Variants in PFKFB1 observed in about 807,000 individuals in gnomAD.
PFKFB1 encodes 6-phosphofructo-2-kinase/fructose-2,6-biphosphatase 1, also known as 6-phosphofructo-2-kinase/fructose-2,6-bisphosphatase 1.
In PFKFB1, 34 loss-of-function variants were observed where a neutral mutation model predicts 46.4. That is an observed-to-expected ratio of 0.73 (90% CI 0.56 to 0.98). The LOEUF (loss-of-function observed/expected upper bound fraction) is 0.98. Among genes scored for constraint, PFKFB1 ranks in the 50% least tolerant of loss-of-function variants. PFKFB1 has a pLI of 0.00. For missense variants in PFKFB1, 393 were observed against 376.3 expected, an observed-to-expected ratio of 1.04 and a Z score of -0.37; for synonymous variants, 119 against 133.8, an observed-to-expected ratio of 0.89 and a Z score of 0.76.
intron 1 of PFKFB1, among the ~76,000 whole-genome samples, chrX:54,972,635 T>G (rs1418636329): frequency 8.9e-6 from 1 of 111,893 alleles, no homozygotes; most frequent in African/African-American, 3.3e-5. Flanking sequence ...TATGCTGGAT[T>G]ACATTTATTG....
intron 10 of PFKFB1, among the ~76,000 whole-genome samples, chrX:54,938,792 A>G (rs1221985807): frequency 5.4e-5 from 6 of 111,408 alleles, no homozygotes; most frequent in Non-Finnish European, 1.1e-4. Context: ...AATAATAATG[A>G]GAGACTTTAA....
At chrX:54,995,080 A>G (rs1294812848), upstream of PFKFB1, among the ~76,000 whole-genome samples, 1 of 111,794 alleles carries the variant, frequency 8.9e-6, no homozygotes, top group East Asian at 2.8e-4. Flanking sequence ...ACAAGTCCAT[A>G]GGCCAGAGTC....
At chrX:54,937,125 T>C in intron 11 of PFKFB1, among the ~76,000 whole-genome samples, 1 of 111,362 alleles carries the variant, frequency 9.0e-6, no homozygotes. Context: ...CTTGGGGAAA[T>C]TACCCCTATA....
intron 12 of PFKFB1, 103 bp downstream of exon 12, chrX:54,934,844 C>A: frequency 1.6e-6 from 1 of 612,452 alleles, no homozygotes. Context: ...AGGACACCCA[C>A]CCAGGAAACC....
At chrX:54,935,092 C>T in intron 11 of PFKFB1, 83 bp from the exon 12 acceptor site, 1 of 719,350 alleles carries the variant, frequency 1.4e-6, no homozygotes. Flanking sequence ...TTGCTGGATG[C>T]TCCCCATTCC....
At chrX:54,990,523 G>A (rs994930205) in intron 1 of PFKFB1, among the ~76,000 whole-genome samples, 14 of 111,479 alleles carry the variant, frequency 1.3e-4, no homozygotes, top group African/African-American at 4.2e-4. Flanking sequence ...AATGTTAAAG[G>A]AGACACCAGG....
chrX:54,972,238 G>A (rs2146658114), intron 1 of PFKFB1, among the ~76,000 whole-genome samples: 1 of 110,921 alleles, frequency 9.0e-6, no homozygotes, highest in South Asian at 3.9e-4. Context: ...GAGATTTTGG[G>A]ATGAGACAAT....
intron 1 of PFKFB1, 93 bp downstream of exon 1, chrX:54,993,818 A>G: frequency 9.1e-6 from 10 of 1,094,126 alleles, no homozygotes; most frequent in Non-Finnish European, 1.1e-5. Flanking sequence ...AGGTTGAGGT[A>G]GGAGTGGATG....
intron 9 of PFKFB1, among the ~76,000 whole-genome samples, chrX:54,946,588 A>G (rs1249368017): frequency 9.0e-6 from 1 of 111,689 alleles, no homozygotes; most frequent in Admixed American, 9.5e-5. Context: ...AAACTTCTCC[A>G]ACCCACACTG....
At chrX:54,971,506 A>T (rs1411943784) in intron 1 of PFKFB1, among the ~76,000 whole-genome samples, 1 of 111,619 alleles carries the variant, frequency 9.0e-6, no homozygotes, top group Non-Finnish European at 1.9e-5. Flanking sequence ...TCTTGAATTA[A>T]TTTTTGTATA....
In PFKFB1 at chrX:54,960,845, A is replaced by G. The variant is rs773547844; in HGVS notation, c.296T>C (p.Met99Thr). 1.7e-6 allele frequency: 2 copies of G among 1,185,993 alleles called. No individual in the cohort carries two copies. The highest frequency in any genetic ancestry group is 2.2e-5 in the Admixed American group (1 of 45,494). The change falls in exon 3 of 14, where the codon ATG becomes ACG. Residue 99 changes from methionine (M) to threonine (T), a missense_variant. Coordinates refer to ENST00000375006, the MANE Select transcript of PFKFB1 (RefSeq NM_002625.4). ...KNYEFFLPDN[M>T]EALQIRKQCA... ...TTACTTCCTGATTTGCAGGGCTTCC[A>G]TGTTGTCTGGAAGAAAGAATTCATA...
chrX:54,941,619 G>A (rs916985582), intron 10 of PFKFB1, among the ~76,000 whole-genome samples: 3 of 112,396 alleles, frequency 2.7e-5, no homozygotes, highest in African/African-American at 9.7e-5. Flanking sequence ...AGACATCTAT[G>A]CAGCCAAAAG....
intron 6 of PFKFB1, among the ~76,000 whole-genome samples, chrX:54,957,100 A>C (rs899392975): frequency 4.5e-5 from 5 of 111,438 alleles, no homozygotes; most frequent in Non-Finnish European, 9.4e-5. Context: ...TTGGGCCCCA[A>C]ATTATTTCTT....
At position 54,951,823 on chromosome X, in the gene PFKFB1, C is replaced by T. The variant is rs1489701957; in HGVS notation, c.846+82G>A. The T allele has an allele frequency of 5.0e-6, 4 of 805,486 alleles. No individual in the cohort carries two copies. In the East Asian group the frequency reaches 1.4e-4, roughly 28 times the overall value. The allele number at this position is 805,486 out of a possible 1,213,427, so 66.4% of individuals were successfully genotyped here. A position where few individuals can be genotyped will look rare whatever the true frequency, so the allele number is the denominator to read the frequency against. ...ATCCCTGGGTCATTCCACCTCAGGACCCAGAATGTGGCCACCACTACACCT... is the reference window on the plus strand; with the variant it reads ...ATCCCTGGGTCATTCCACCTCAGGATCCAGAATGTGGCCACCACTACACCT... On this transcript the variant is annotated intron_variant, in intron 8 of 13. Coordinates refer to ENST00000375006, the MANE Select transcript of PFKFB1 (RefSeq NM_002625.4).
intron 1 of PFKFB1, among the ~76,000 whole-genome samples, chrX:54,975,479 G>A (rs1042231013): frequency 4.5e-5 from 5 of 110,610 alleles, no homozygotes; most frequent in South Asian, 7.6e-4. Context: ...GGGGACTTGC[G>A]GGGAAGGATG....
At chrX:54,994,656 C>T, upstream of PFKFB1, 1 of 753,694 alleles carries the variant, frequency 1.3e-6, no homozygotes, top group Non-Finnish European at 1.6e-6. Flanking sequence ...ATGGAAGGTC[C>T]ACTACTTCTC....
At chrX:54,976,090 T>C (rs183673812) in intron 1 of PFKFB1, among the ~76,000 whole-genome samples, 2 of 111,283 alleles carry the variant, frequency 1.8e-5, no homozygotes, top group Admixed American at 1.9e-4. Flanking sequence ...AATAGATAAA[T>C]TGAACTATAA....
At chrX:54,971,423 C>T (rs1190243063) in intron 1 of PFKFB1, among the ~76,000 whole-genome samples, 1 of 108,969 alleles carries the variant, frequency 9.2e-6, no homozygotes, top group Non-Finnish European at 1.9e-5. Context: ...ATGCCTATGT[C>T]CTGAATGGTA....
intron 1 of PFKFB1, among the ~76,000 whole-genome samples, chrX:54,976,523 T>C (rs918261097): frequency 8.9e-6 from 1 of 111,864 alleles, no homozygotes; most frequent in Non-Finnish European, 1.9e-5. Flanking sequence ...CAAAAGGAAC[T>C]CTCACTCATT....
Sources: gnomAD v4.1 joint callset for allele counts (sites outside exome capture counted in the v4.1 genomes callset) on GRCh38, gnomAD v4.1.1 for gene constraint, MANE v1.5 for transcripts, NCBI Gene and HGNC (gene_info 2026-07-23, HGNC 2026-07-21) for gene names.